Variants in ATP2B2 observed in about 807,000 individuals in gnomAD.
The protein encoded by ATP2B2 is ATPase plasma membrane Ca2+ transporting 2.
In ATP2B2, 15 loss-of-function variants were observed where a neutral mutation model predicts 120.0. The ratio of observed to expected loss-of-function variants is 0.12; its 90% CI spans 0.08 to 0.19. ATP2B2 has a LOEUF of 0.19. ATP2B2 is among the 10% of genes least tolerant of loss of function. The probability of loss-of-function intolerance (pLI) is 1.00; values close to 1 mark genes in which losing one functional copy is unlikely to be tolerated. For missense variants in ATP2B2, 1,045 were observed against 1,719.8 expected, an observed-to-expected ratio of 0.61 and a Z score of 6.94; for synonymous variants, 694 against 700.3, an observed-to-expected ratio of 0.99 and a Z score of 0.14.
chr3:10,498,591 G>A lies in ATP2B2; in HGVS notation c.-320+6874C>T, dbSNP rs1460389518. 2.0e-5 allele frequency among the ~76,000 whole-genome samples: 3 copies of A among 152,194 alleles called. No individual in the cohort carries two copies. In the East Asian group the frequency reaches 5.8e-4, roughly 29 times the overall value. On this transcript the variant is annotated intron_variant, in intron 1 of 22. Transcript: ENST00000360273. ...GAGTTCATCCAGATGACGCCCCCAT[G>A]GCTCCCACAAAATGGTCCCGGGGCA...
At chr3:10,557,065 C>G (rs1303680929) in intron 2 of ATP2B2, among the ~76,000 whole-genome samples, 2 of 152,216 alleles carry the variant, frequency 1.3e-5, no homozygotes, top group African/African-American at 2.4e-5. Flanking sequence ...CCATGAGTCA[C>G]TCTGAGTCCC....
intron 2 of ATP2B2, among the ~76,000 whole-genome samples, chr3:10,593,350 A>G (rs2068687712): frequency 6.6e-6 from 1 of 152,206 alleles, no homozygotes; most frequent in Admixed American, 6.5e-5. Context: ...GAGAAAACAG[A>G]GCTGGAATTT....
intron 1 of ATP2B2, among the ~76,000 whole-genome samples, chr3:10,641,844 A>G (rs536283886): frequency 3.9e-5 from 6 of 152,208 alleles, no homozygotes; most frequent in Admixed American, 3.9e-4. Flanking sequence ...CCATCTATTC[A>G]TCCAACCATC....
At chr3:10,472,573 C>T (rs922015556) in intron 1 of ATP2B2, among the ~76,000 whole-genome samples, 2 of 152,204 alleles carry the variant, frequency 1.3e-5, no homozygotes, top group Non-Finnish European at 2.9e-5. Context: ...TGTTCACGGG[C>T]CAGTGGCTGC....
intron 5 of ATP2B2, among the ~76,000 whole-genome samples, chr3:10,393,724 TGG>T (rs2061934917): frequency 6.6e-6 from 1 of 150,830 alleles, no homozygotes; most frequent in African/African-American, 2.4e-5. Flanking sequence ...GTGGTTTCCG[TGG>T]ATGGTACTGT....
intron 1 of ATP2B2, among the ~76,000 whole-genome samples, chr3:10,501,362 T>C (rs1344526518): frequency 3.4e-5 from 5 of 145,366 alleles, no homozygotes; most frequent in Non-Finnish European, 7.4e-5. Flanking sequence ...GCATAACCCA[T>C]TTTTTAAACG....
At chr3:10,353,147 C>T (rs762732362) in intron 14 of ATP2B2, among the ~76,000 whole-genome samples, 1 of 152,196 alleles carries the variant, frequency 6.6e-6, no homozygotes, top group East Asian at 1.9e-4. Flanking sequence ...CAGACCTGTA[C>T]TCTGTTTGGA....
chr3:10,400,937 T>C lies in ATP2B2; in HGVS notation c.781+16A>G. On this transcript the variant is annotated intron_variant, in intron 5 of 22. Transcript: ENST00000360273. ...CATGGCGACGGGAATGGGCCCAACATCAGGCTGAAGCTCACCTGACAGCAG... is the reference window on the plus strand; with the variant it reads ...CATGGCGACGGGAATGGGCCCAACACCAGGCTGAAGCTCACCTGACAGCAG... The C allele has an allele frequency of 6.2e-7, 1 of 1,613,780 alleles. No homozygotes were observed. The highest frequency in any genetic ancestry group is 1.1e-5 in the South Asian group (1 of 91,076).
At chr3:10,548,297 T>C (rs748742621) in intron 2 of ATP2B2, among the ~76,000 whole-genome samples, 5 of 152,214 alleles carry the variant, frequency 3.3e-5, no homozygotes, top group Non-Finnish European at 7.3e-5. Context: ...GCAGAGATGC[T>C]GTTATTTCCT....
At chr3:10,538,408 G>A (rs778891207) in intron 2 of ATP2B2, among the ~76,000 whole-genome samples, 9 of 152,120 alleles carry the variant, frequency 5.9e-5, no homozygotes, top group Non-Finnish European at 1.2e-4. Context: ...CCAAAGCCTG[G>A]TAGAGACACA....
chr3:10,695,251 GGAGA>G (rs140200422), intron 1 of ATP2B2, among the ~76,000 whole-genome samples: 6,049 of 126,902 alleles, frequency 0.048, 159 homozygotes, highest in Non-Finnish European at 0.064. Flanking sequence ...AGGGAGGGAG[GGAGA>G]GAGAGAGAGA....
chr3:10,653,452 G>A (rs905522982), intron 1 of ATP2B2, among the ~76,000 whole-genome samples: 1 of 152,184 alleles, frequency 6.6e-6, no homozygotes, highest in African/African-American at 2.4e-5. Flanking sequence ...CCTGAGTTGA[G>A]GGACCCACTT....
intron 1 of ATP2B2, among the ~76,000 whole-genome samples, chr3:10,658,880 A>G (rs981024120): frequency 2.0e-5 from 3 of 151,978 alleles, no homozygotes; most frequent in African/African-American, 7.3e-5. Context: ...AGCCCATCAG[A>G]CTAACAGCGG....
intron 3 of ATP2B2, among the ~76,000 whole-genome samples, chr3:10,532,558 C>A (rs2067232941): frequency 6.6e-6 from 1 of 152,244 alleles, no homozygotes; most frequent in Non-Finnish European, 1.5e-5. Context: ...CCTTCCCCAC[C>A]TATGCCTGTC....
intron 1 of ATP2B2, among the ~76,000 whole-genome samples, chr3:10,663,249 A>G (rs2070836711): frequency 6.6e-6 from 1 of 151,890 alleles, no homozygotes; most frequent in Non-Finnish European, 1.5e-5. Context: ...AATAATAATA[A>G]TAAAAGAAAG....
rs116065554 is a variant in ATP2B2 at position 10,695,613 on chromosome 3, C to T, written c.-460+12302G>A. ...GAGAGTTGTCACAACTGAGGTCATC[C>T]CAGACCAGCCTAGAGCCAGCCAACC... On this transcript the variant is annotated intron_variant, in intron 1 of 21. Coordinates refer to the ATP2B2 transcript ENST00000646379. Among the ~76,000 whole-genome samples the T allele has an allele frequency of 4.9e-3, 743 of 152,174 alleles. 2 individuals are homozygous for T. Among genetic ancestry groups the T allele is most frequent in the African/African-American group, 0.015 (631 of 41,518 alleles).
chr3:10,478,104 A>T (rs1288845143), intron 1 of ATP2B2, among the ~76,000 whole-genome samples: 2 of 152,102 alleles, frequency 1.3e-5, no homozygotes, highest in African/African-American at 4.8e-5. Flanking sequence ...TTTCCCTGTG[A>T]TTTACATTTC....
upstream of ATP2B2, among the ~76,000 whole-genome samples, chr3:10,507,366 C>A (rs1257033873): frequency 6.6e-6 from 1 of 152,132 alleles, no homozygotes; most frequent in Non-Finnish European, 1.5e-5. Context: ...CCACTGGCCA[C>A]CCCTCTAGGT....
Position 10,388,545 on chromosome 3 carries a change from G to A in ATP2B2, c.782-143C>T, listed in dbSNP as rs1347919594. The A allele has an allele frequency of 3.3e-6, 4 of 1,226,218 alleles. No individual in the cohort carries two copies. In the East Asian group the frequency reaches 9.9e-5, roughly 30 times the overall value. The allele number at this position is 1,226,218 out of a possible 1,614,324, so 76.0% of individuals were successfully genotyped here. A position where few individuals can be genotyped will look rare whatever the true frequency, so the allele number is the denominator to read the frequency against. On this transcript the variant is annotated intron_variant, in intron 5 of 22. Transcript: ENST00000360273. ...ATCACCTATGGTTAAGATTCACACT[G>A]TGTGTGTGGTGGGCTCTTTCAAGAT... is the stretch of plus-strand genomic sequence containing the variant.
Sources: gnomAD v4.1 joint callset for allele counts (sites outside exome capture counted in the v4.1 genomes callset) on GRCh38, gnomAD v4.1.1 for gene constraint, MANE v1.5 for transcripts, NCBI Gene and HGNC (gene_info 2026-07-23, HGNC 2026-07-21) for gene names.